ALS2: variants seen among roughly 807,000 people sequenced by gnomAD.
ALS2 encodes the protein alsin Rho guanine nucleotide exchange factor ALS2.
ALS2 carries 117 observed loss-of-function variants against 203.4 expected under a neutral mutation model. That is an observed-to-expected ratio of 0.58 (90% CI 0.50 to 0.67). ALS2 has a LOEUF of 0.67. Ranked by LOEUF, ALS2 falls within the 30% of genes least tolerant of loss-of-function variation. The probability of loss-of-function intolerance (pLI) is 0.00; values close to 1 mark genes in which losing one functional copy is unlikely to be tolerated. For synonymous variants in ALS2, 718 were observed against 725.9 expected (o/e 0.99, Z 0.17); for missense variants, 1,715 against 1,989.4 (o/e 0.86, Z 2.62).
chr2:201,760,334 A>G (rs2106086155), intron 4 of ALS2: 1 of 985,338 alleles, frequency 1.0e-6, no homozygotes, highest in South Asian at 4.7e-5. Context: ...CAAAAAGATA[A>G]AATATTAGCC....
At chr2:201,759,327 G>C (rs190496901) in intron 4 of ALS2, 91 of 868,634 alleles carry the variant, frequency 1.0e-4, no homozygotes, top group Non-Finnish European at 1.2e-4. Flanking sequence ...CCAAGTGAGA[G>C]AGTCTCAGTT....
chr2:201,724,426 A>T lies in ALS2; in HGVS notation c.3381T>A (p.Phe1127Leu), dbSNP rs2106001346. Residue 1127 changes from phenylalanine to leucine, a missense_variant, in exon 21 of 34, where the codon TTT becomes TTA. Phe to Leu is a conservative substitution (Grantham distance 22). Around this residue, in one of 3 missense-constraint regions of ALS2, gnomAD observed 1,227 missense variants for 1,413.5 expected, o/e 0.87. Transcript: ENST00000264276. Reference protein sequence around the residue: ...YASGEVFEGCFQDNMRHGHGL... With the variant: ...YASGEVFEGCLQDNMRHGHGL... ...CATGACCATGACGCATATTATCTTG[A>T]AAACAGCCCTCAAATACTTCACCAG... is the stretch of plus-strand genomic sequence containing the variant. 1 of 1,614,104 alleles carries T rather than the reference A, an allele frequency of 6.2e-7. No individual in the cohort carries two copies. The highest frequency in any genetic ancestry group is 8.5e-7 in the Non-Finnish European group (1 of 1,179,976).
chr2:201,773,406 G>A (rs911176300), intron 1 of ALS2, among the ~76,000 whole-genome samples: 2 of 152,162 alleles, frequency 1.3e-5, no homozygotes, highest in African/African-American at 4.8e-5. Flanking sequence ...AGTACTTGGT[G>A]ATTAGACAAA....
Position 201,726,277 on chromosome 2 carries a change from C to T in ALS2, c.3248+207G>A, listed in dbSNP as rs149204059. On this transcript the variant is annotated intron_variant, in intron 19 of 33. Transcript: ENST00000264276. Reference sequence around the variant, plus strand: ...GAAGGCTGTGTAATTTGAGGTCACACGGCTATCAGGGAAAATGACCCAGTC... The same window carrying T: ...GAAGGCTGTGTAATTTGAGGTCACATGGCTATCAGGGAAAATGACCCAGTC... Among the ~76,000 whole-genome samples, 63 of 152,244 alleles carry T rather than the reference C, an allele frequency of 4.1e-4. 1 individual carries two copies. The East Asian group carries it at 0.011, about 26-fold the overall frequency.
chr2:201,760,194 C>A (rs1693674046), intron 4 of ALS2: 2 of 582,980 alleles, frequency 3.4e-6, no homozygotes, highest in Non-Finnish European at 4.3e-6. Flanking sequence ...GTGTATAGTC[C>A]CAGCTACTTG....
intron 30 of ALS2, 94 bp from the exon 31 acceptor site, chr2:201,705,294 T>A: frequency 6.8e-7 from 1 of 1,475,858 alleles, no homozygotes; most frequent in South Asian, 1.1e-5. Context: ...TCTTTGGTAA[T>A]AACAGATGCA....
rs746626893 is a variant in ALS2 at position 201,715,846 on chromosome 2, A to G, written c.3837-7T>C. 7 of 1,614,038 alleles carry G rather than the reference A, an allele frequency of 4.3e-6. No individual in the cohort carries two copies. The highest frequency in any genetic ancestry group is 2.7e-5 in the African/African-American group (2 of 74,934). Reference sequence around the variant, plus strand: ...CAGGTTTCCTAGCTTCCTGCTAATAAAGTCATATCAACCTTTTATTAATCA... The same window carrying G: ...CAGGTTTCCTAGCTTCCTGCTAATAGAGTCATATCAACCTTTTATTAATCA... On this transcript the variant is annotated splice_polypyrimidine_tract_variant and splice_region_variant and intron_variant, in intron 24 of 33. Transcript: ENST00000264276.
intron 11 of ALS2, 98 bp downstream of exon 11, chr2:201,741,576 A>C: frequency 7.9e-7 from 1 of 1,260,064 alleles, no homozygotes. Flanking sequence ...ATTACCTTAT[A>C]TCACTCTCCC....
chr2:201,711,452 A>G (rs931827142), intron 25 of ALS2, among the ~76,000 whole-genome samples: 2 of 152,248 alleles, frequency 1.3e-5, no homozygotes, highest in African/African-American at 4.8e-5. Flanking sequence ...TAGCTTGAAG[A>G]TAAATACAAT....
intron 11 of ALS2, among the ~76,000 whole-genome samples, chr2:201,741,014 A>G (rs959112935): frequency 1.3e-5 from 2 of 152,174 alleles, no homozygotes; most frequent in African/African-American, 4.8e-5. Flanking sequence ...AACAAAACCT[A>G]TACATACTTC....
chr2:201,760,643 T>G, intron 4 of ALS2: 1 of 1,319,214 alleles, frequency 7.6e-7, no homozygotes. Context: ...CTCCTACTTA[T>G]AAAACAAGCC....
chr2:201,717,658 C>A (rs1253490376), intron 24 of ALS2, among the ~76,000 whole-genome samples: 4 of 148,390 alleles, frequency 2.7e-5, no homozygotes, highest in African/African-American at 9.9e-5. Context: ...AAAAAAAAGA[C>A]TTTGGCCAGG....
chr2:201,703,169 A>C (rs1230363680), intron 33 of ALS2, among the ~76,000 whole-genome samples: 1 of 152,188 alleles, frequency 6.6e-6, no homozygotes, highest in Non-Finnish European at 1.5e-5. Context: ...TAGTTAACCT[A>C]GGCCAGAAAC....
rs1181906762 is a variant in ALS2 at position 201,725,457 on chromosome 2, G to T, written c.3249-3C>A. The stretch of plus-strand genomic sequence containing the variant: ...TTGGGATTCTGTATTCTCCATACCT[G>T]CCATGAAAAAGAAAAAATAACAAAA... On this transcript the variant is annotated splice_region_variant and splice_polypyrimidine_tract_variant and intron_variant, in intron 19 of 33. Transcript: ENST00000264276. 3 of 1,610,176 alleles carry T rather than the reference G, an allele frequency of 1.9e-6. No homozygotes were observed. The highest frequency in any genetic ancestry group is 1.7e-6 in the Non-Finnish European group (2 of 1,176,738).
chr2:201,775,932 T>C (rs1225015313), intron 1 of ALS2, among the ~76,000 whole-genome samples: 1 of 152,218 alleles, frequency 6.6e-6, no homozygotes, highest in East Asian at 1.9e-4. Flanking sequence ...TTCACCGGTA[T>C]ACTCTTGTAC....
At chr2:201,778,515 A>T (rs1284849239) in intron 1 of ALS2, 1 of 152,198 alleles carries the variant, frequency 6.6e-6, no homozygotes, top group Non-Finnish European at 1.5e-5. Context: ...ACATATACAG[A>T]TGAATAAGAG....
At chr2:201,774,068 TC>T (rs1276669855) in intron 1 of ALS2, among the ~76,000 whole-genome samples, 1 of 152,200 alleles carries the variant, frequency 6.6e-6, no homozygotes, top group Non-Finnish European at 1.5e-5. Context: ...CAGTGGGTGA[TC>T]CTTTTGAAAA....
intron 4 of ALS2, 182 bp downstream of exon 4, chr2:201,760,699 A>T: frequency 7.1e-7 from 1 of 1,418,188 alleles, no homozygotes; most frequent in Non-Finnish European, 9.2e-7. Flanking sequence ...ACAAACATAA[A>T]GAGTGATTTT....
At position 201,754,674 on chromosome 2, in the gene ALS2, G is replaced by A. The variant is rs200500772; in HGVS notation, c.1472-3C>T. On this transcript the variant is annotated splice_polypyrimidine_tract_variant and splice_region_variant and intron_variant, in intron 5 of 33. Transcript: ENST00000264276. ...CTTTCTTAAGAGCCTGGGGGAAACT[G>A]AAAACCAACCAGACGTGGGGTGAAG... is the stretch of plus-strand genomic sequence containing the variant. 28 of 1,613,962 alleles carry A rather than the reference G, an allele frequency of 1.7e-5. No individual in the cohort carries two copies. The highest frequency in any genetic ancestry group is 2.4e-5 in the Non-Finnish European group (28 of 1,179,982).
Sources: gnomAD v4.1 joint callset for allele counts (sites outside exome capture counted in the v4.1 genomes callset) on GRCh38, gnomAD v4.1.1 for gene constraint, gnomAD v4.1.1 regional missense constraint, MANE v1.5 for transcripts, NCBI Gene and HGNC (gene_info 2026-07-23, HGNC 2026-07-21) for gene names.